ADAM22: variants seen among roughly 807,000 people sequenced by gnomAD.
The protein encoded by ADAM22 is ADAM metallopeptidase domain 22, also known as disintegrin and metalloproteinase domain-containing protein 22.
ADAM22 carries 65 observed loss-of-function variants against 144.6 expected under a neutral mutation model. The ratio of observed to expected loss-of-function variants is 0.45; its 90% CI spans 0.37 to 0.55. ADAM22 has a LOEUF of 0.55. Among genes scored for constraint, ADAM22 ranks in the 20% least tolerant of loss-of-function variants. ADAM22 has a pLI of 0.00. For synonymous variants in ADAM22, 391 were observed against 412.6 expected (o/e 0.95, Z 0.63); for missense variants, 974 against 1,184.9 (o/e 0.82, Z 2.61).
chr7:88,013,266 C>CTT (rs1465368564), intron 3 of ADAM22, among the ~76,000 whole-genome samples: 1 of 152,056 alleles, frequency 6.6e-6, no homozygotes, highest in Non-Finnish European at 1.5e-5. Flanking sequence ...CCCTGTGACT[C>CTT]TGTTCTCTGA....
intron 5 of ADAM22, among the ~76,000 whole-genome samples, chr7:88,111,378 T>G (rs1352135024): frequency 6.6e-6 from 1 of 152,188 alleles, no homozygotes; most frequent in Admixed American, 6.5e-5. Context: ...TGTTTTTTTT[T>G]TCATTTTTGA....
intron 23 of ADAM22, among the ~76,000 whole-genome samples, chr7:88,165,594 T>G (rs964504776): frequency 6.6e-6 from 1 of 152,086 alleles, no homozygotes; most frequent in Admixed American, 6.6e-5. Context: ...TTTTTTTAGA[T>G]GTAGATCAAT....
intron 22 of ADAM22, among the ~76,000 whole-genome samples, chr7:88,162,097 T>TACACACACACAC (rs61053925): frequency 0.034 from 4,632 of 136,716 alleles, 149 homozygotes; most frequent in Admixed American, 0.069. Context: ...AAATGTGTAA[T>TACACACACACAC]ACACACACAC....
chr7:88,195,618 C>T (rs1041676826), intron 31 of ADAM22, among the ~76,000 whole-genome samples: 1 of 152,248 alleles, frequency 6.6e-6, no homozygotes, highest in Admixed American at 6.5e-5. Flanking sequence ...CGGGTTCACG[C>T]CATTCTCCTG....
At chr7:88,079,336 C>A (rs1012727843) in intron 4 of ADAM22, among the ~76,000 whole-genome samples, 4 of 152,122 alleles carry the variant, frequency 2.6e-5, no homozygotes, top group Non-Finnish European at 4.4e-5. Context: ...TACAAGAGCT[C>A]CTGAAGGAAG....
chr7:88,079,874 T>G (rs2129482623), intron 4 of ADAM22, among the ~76,000 whole-genome samples: 1 of 152,258 alleles, frequency 6.6e-6, no homozygotes, highest in South Asian at 2.1e-4. Flanking sequence ...ACAAAGAGAC[T>G]TAGACTCCCA....
chr7:87,952,554 C>T (rs374139696), intron 2 of ADAM22, among the ~76,000 whole-genome samples: 21 of 151,748 alleles, frequency 1.4e-4, no homozygotes, highest in South Asian at 1.0e-3. Flanking sequence ...CAGTATTTTA[C>T]TGAGGATTTT....
At chr7:88,137,269 C>CA (rs1833219779) in intron 14 of ADAM22, among the ~76,000 whole-genome samples, 1 of 152,144 alleles carries the variant, frequency 6.6e-6, no homozygotes, top group South Asian at 2.1e-4. Flanking sequence ...CATTAAATGC[C>CA]ATTCTCCTGC....
intron 13 of ADAM22, among the ~76,000 whole-genome samples, 155 bp from the exon 14 acceptor site, chr7:88,135,825 A>G (rs1380261862): frequency 3.9e-5 from 6 of 152,232 alleles, no homozygotes; most frequent in Non-Finnish European, 8.8e-5. Context: ...TGCATATTAC[A>G]TAAAAAAACT....
intron 3 of ADAM22, among the ~76,000 whole-genome samples, chr7:88,008,187 A>C (rs1200218049): frequency 1.3e-5 from 2 of 151,096 alleles, no homozygotes; most frequent in Non-Finnish European, 3.0e-5. Flanking sequence ...ATGCAAATCA[A>C]AACCACAATG....
chr7:88,057,287 A>G (rs1808530597), intron 3 of ADAM22, among the ~76,000 whole-genome samples: 1 of 152,186 alleles, frequency 6.6e-6, no homozygotes, highest in Admixed American at 6.6e-5. Flanking sequence ...TAATGATGGA[A>G]TAACATCAAT....
At chr7:88,107,281 GA>G (rs1563227983) in intron 4 of ADAM22, among the ~76,000 whole-genome samples, 2 of 139,828 alleles carry the variant, frequency 1.4e-5, no homozygotes, top group South Asian at 2.3e-4. Flanking sequence ...AGCTCACTGC[GA>G]CCTCCACTTC....
At chr7:88,044,601 C>T (rs1490462972) in intron 3 of ADAM22, among the ~76,000 whole-genome samples, 1 of 150,866 alleles carries the variant, frequency 6.6e-6, no homozygotes, top group African/African-American at 2.4e-5. Context: ...TGTGTGCCAC[C>T]ATGCCTGGCT....
intron 3 of ADAM22, among the ~76,000 whole-genome samples, chr7:88,041,573 T>C (rs2129472008): frequency 6.6e-6 from 1 of 152,160 alleles, no homozygotes; most frequent in African/African-American, 2.4e-5. Flanking sequence ...CTCAACTATA[T>C]TTGAATGTGA....
chr7:88,025,763 A>AT (rs1798885492), intron 3 of ADAM22, among the ~76,000 whole-genome samples: 1 of 152,212 alleles, frequency 6.6e-6, no homozygotes, highest in South Asian at 2.1e-4. Flanking sequence ...TGTTTTGGTT[A>AT]CTATAGCTCT....
At chr7:88,111,273 A>G (rs999987047) in intron 5 of ADAM22, among the ~76,000 whole-genome samples, 1 of 152,156 alleles carries the variant, frequency 6.6e-6, no homozygotes, top group African/African-American at 2.4e-5. Flanking sequence ...GTTATGAAAT[A>G]TTGAATAATG....
intron 3 of ADAM22, among the ~76,000 whole-genome samples, chr7:88,026,053 T>C (rs900660426): frequency 1.3e-5 from 2 of 152,232 alleles, no homozygotes; most frequent in African/African-American, 4.8e-5. Flanking sequence ...TAGAGATCTT[T>C]AGTTTCTTTG....
At chr7:88,146,438 C>T (rs550026198) in intron 17 of ADAM22, among the ~76,000 whole-genome samples, 1 of 152,298 alleles carries the variant, frequency 6.6e-6, no homozygotes, top group African/African-American at 2.4e-5. Flanking sequence ...CTGAATTTCT[C>T]AACTCTGGCA....
chr7:87,990,898 A>G (rs1481257208), intron 3 of ADAM22, among the ~76,000 whole-genome samples: 1 of 152,158 alleles, frequency 6.6e-6, no homozygotes, highest in Admixed American at 6.5e-5. Flanking sequence ...TCCTGACCTC[A>G]AGTGATCCAT....
Sources: gnomAD v4.1 joint callset for allele counts (sites outside exome capture counted in the v4.1 genomes callset) on GRCh38, gnomAD v4.1.1 for gene constraint, MANE v1.5 for transcripts, NCBI Gene and HGNC (gene_info 2026-07-23, HGNC 2026-07-21) for gene names.